The following IARS2 variants were observed in gnomAD, a reference collection of about 807,000 sequenced individuals.
IARS2 encodes isoleucine--tRNA ligase, mitochondrial.
A neutral mutation model predicts 126.3 loss-of-function variants in IARS2; 56 were observed. The observed-to-expected ratio is 0.44, with a 90% CI of 0.36 to 0.55. The LOEUF (loss-of-function observed/expected upper bound fraction) is 0.55, where lower values mean the gene tolerates loss of function less well. IARS2 is among the 20% of genes least tolerant of loss of function. The pLI is 0.00. For missense variants in IARS2, 1,127 were observed against 1,245.9 expected, an observed-to-expected ratio of 0.90 and a Z score of 1.44; for synonymous variants, 407 against 441.1, an observed-to-expected ratio of 0.92 and a Z score of 0.97.
chr1:220,096,243 T>C lies in IARS2; in HGVS notation c.390+17T>C. On this transcript the variant is annotated intron_variant, in intron 2 of 22. Transcript: ENST00000366922. ...TTAAATAAGGTAACTATAATTTAGG[T>C]TATGACACTTGAAAGAAAGTGTTTA... 1.3e-6 allele frequency: 2 copies of C among 1,510,050 alleles called. No individual in the cohort carries two copies. Among genetic ancestry groups the C allele is most frequent in the African/African-American group, 2.8e-5 (2 of 71,730 alleles). The allele number at this position is 1,510,050 out of a possible 1,614,324, so 93.5% of individuals were successfully genotyped here.
At chr1:220,141,756 TA>T (rs765611934) in intron 19 of IARS2, 46 bp from the exon 20 acceptor site, 4 of 1,598,224 alleles carry the variant, frequency 2.5e-6, no homozygotes, top group Non-Finnish European at 3.4e-6. Flanking sequence ...TAGGTGACCA[TA>T]ATGTATAAAG....
rs1327482220 is a variant in IARS2 at position 220,147,970 on chromosome 1, A to G, written c.*335A>G. ...TACGGCCAAGCAGAAAATGTTTTAT[A>G]TTTTATAAATCATCTTTTGACTCTG... On this transcript the variant is annotated 3_prime_UTR_variant, in exon 23 of 23. Transcript: ENST00000366922. 6 of 394,174 alleles carry G rather than the reference A, an allele frequency of 1.5e-5. No homozygotes were observed. The highest frequency in any genetic ancestry group is 1.3e-5 in the Non-Finnish European group (3 of 223,038). The allele number at this position is 394,174 out of a possible 1,614,324, so 24.4% of individuals were successfully genotyped here.
chr1:220,114,561 C>T (rs1275822659), intron 12 of IARS2, 87 bp downstream of exon 12: 4 of 967,184 alleles, frequency 4.1e-6, no homozygotes, highest in Non-Finnish European at 4.7e-6. Context: ...GATTAAGAAC[C>T]GTTTATATAT....
intron 1 of IARS2, among the ~76,000 whole-genome samples, chr1:220,094,962 C>A (rs554768246): frequency 1.4e-3 from 211 of 150,888 alleles, no homozygotes; most frequent in Non-Finnish European, 2.2e-3. Flanking sequence ...TCACCCCCAC[C>A]CCCCCGTCCT....
chr1:220,121,989 G>A (rs1281133088), intron 12 of IARS2, among the ~76,000 whole-genome samples: 1 of 152,154 alleles, frequency 6.6e-6, no homozygotes, highest in East Asian at 1.9e-4. Context: ...TACTCAGGAG[G>A]CTGAGGCGGG....
chr1:220,115,751 G>C (rs1447773726), intron 12 of IARS2, among the ~76,000 whole-genome samples: 1 of 152,040 alleles, frequency 6.6e-6, no homozygotes, highest in East Asian at 1.9e-4. Context: ...TTTGAACCCA[G>C]GCTTTGCCAT....
intron 12 of IARS2, 29 bp from the exon 13 acceptor site, chr1:220,125,208 A>G (rs74363098): frequency 1.5e-6 from 2 of 1,296,082 alleles, no homozygotes; most frequent in Non-Finnish European, 2.2e-6. Context: ...AGTTAATTGA[A>G]TAATTCTGCC....
chr1:220,126,223 C>T (rs960481141), intron 13 of IARS2, among the ~76,000 whole-genome samples: 2 of 152,034 alleles, frequency 1.3e-5, no homozygotes, highest in African/African-American at 4.8e-5. Flanking sequence ...TGCAGTGAGC[C>T]GAGATCGCGC....
chr1:220,134,809 C>T (rs1402146931), intron 15 of IARS2: 2 of 174,154 alleles, frequency 1.1e-5, no homozygotes, highest in Non-Finnish European at 2.4e-5. Flanking sequence ...ATTCAGTCAC[C>T]CAGGCTGGAG....
At chr1:220,133,200 G>A (rs558988421) in intron 14 of IARS2, among the ~76,000 whole-genome samples, 11 of 152,030 alleles carry the variant, frequency 7.2e-5, no homozygotes, top group African/African-American at 2.7e-4. Context: ...TAGAGATGGG[G>A]TTTCGCCATG....
At chr1:220,141,222 A>G (rs191168262) in intron 19 of IARS2, among the ~76,000 whole-genome samples, 24 of 152,334 alleles carry the variant, frequency 1.6e-4, no homozygotes, top group East Asian at 7.7e-4. Flanking sequence ...GATGAACATA[A>G]TGCTTGTTCT....
At position 220,141,906 on chromosome 1, in the gene IARS2, C is replaced by T. The variant is rs774592926; in HGVS notation, c.2518C>T (p.His840Tyr). ...IVRSFAPILP[H>Y]LAEEVFQHIP... Reference sequence around the variant, plus strand: ...TCGTTCTTTTGCTCCCATTCTTCCTCACCTGGCTGAAGAGGTGTTCCAGCA... The same window carrying T: ...TCGTTCTTTTGCTCCCATTCTTCCTTACCTGGCTGAAGAGGTGTTCCAGCA... Residue 840 changes from histidine (H) to tyrosine (Y), a missense_variant, in exon 20 of 23, where the codon CAC (histidine) becomes TAC (tyrosine). By Grantham distance (83) the His-to-Tyr change is moderately conservative. Transcript: ENST00000366922. 3.1e-6 allele frequency: 5 copies of T among 1,614,164 alleles called. No homozygotes were observed. The highest frequency in any genetic ancestry group is 1.1e-5 in the South Asian group (1 of 91,084).
intron 10 of IARS2, 92 bp downstream of exon 10, chr1:220,107,243 A>G: frequency 1.3e-6 from 1 of 762,438 alleles, no homozygotes; most frequent in Non-Finnish European, 2.3e-6. Context: ...ATACTTTAAC[A>G]GAAACAAAAA....
chr1:220,128,710 T>C (rs1246327948), intron 14 of IARS2, among the ~76,000 whole-genome samples: 1 of 152,198 alleles, frequency 6.6e-6, no homozygotes, highest in Non-Finnish European at 1.5e-5. Flanking sequence ...GTATAGTGTA[T>C]TTCAAAGTGT....
chr1:220,102,104 A>G, intron 3 of IARS2, 25 bp from the exon 4 acceptor site: 9 of 1,586,544 alleles, frequency 5.7e-6, no homozygotes, highest in Non-Finnish European at 7.7e-6. Flanking sequence ...GGTTTTTTAA[A>G]ATCTTTTTTT....
At chr1:220,101,365 C>T (rs538961663) in intron 3 of IARS2, among the ~76,000 whole-genome samples, 11 of 152,286 alleles carry the variant, frequency 7.2e-5, no homozygotes, top group African/African-American at 1.9e-4. Context: ...TAGGTATCTT[C>T]TGAACACTGT....
At chr1:220,110,424 G>A (rs926426376) in intron 10 of IARS2, among the ~76,000 whole-genome samples, 5 of 152,114 alleles carry the variant, frequency 3.3e-5, no homozygotes. Flanking sequence ...GGAGTGCAGT[G>A]GCACGATCTC....
intron 21 of IARS2, among the ~76,000 whole-genome samples, chr1:220,145,234 T>G (rs1558133241): frequency 6.6e-6 from 1 of 152,172 alleles, no homozygotes; most frequent in Non-Finnish European, 1.5e-5. Context: ...TAGGTTTTTT[T>G]TGTGTGTATG....
At chr1:220,103,204 A>G (rs1656615636) in intron 7 of IARS2, among the ~76,000 whole-genome samples, 1 of 151,946 alleles carries the variant, frequency 6.6e-6, no homozygotes, top group East Asian at 1.9e-4. Context: ...ATGCGCCACC[A>G]CGCCAGGCTA....
Sources: gnomAD v4.1 joint callset for allele counts (sites outside exome capture counted in the v4.1 genomes callset) on GRCh38, gnomAD v4.1.1 for gene constraint, MANE v1.5 for transcripts, NCBI Gene and HGNC (gene_info 2026-07-23, HGNC 2026-07-21) for gene names.